The following RAB3C variants were observed in gnomAD, a reference collection of about 807,000 sequenced individuals.
RAB3C encodes the protein ras-related protein Rab-3C.
In RAB3C, 17 loss-of-function variants were observed where a neutral mutation model predicts 26.4. The observed-to-expected ratio is 0.64, with a 90% confidence interval of 0.44 to 0.97. RAB3C has a LOEUF of 0.97. Ranked by LOEUF, RAB3C falls within the 50% of genes least tolerant of loss-of-function variation. RAB3C has a pLI of 0.00. For synonymous variants in RAB3C, 91 were observed against 95.9 expected, an observed-to-expected ratio of 0.95 and a Z score of 0.30; for missense variants, 242 against 281.9, an observed-to-expected ratio of 0.86 and a Z score of 1.01.
intron 3 of RAB3C, among the ~76,000 whole-genome samples, chr5:58,739,875 C>A (rs10070606): frequency 0.12 from 18,773 of 152,192 alleles, 1,494 homozygotes; most frequent in Non-Finnish European, 0.17. Flanking sequence ...CCAAATGATT[C>A]TTTTTTGTAC....
chr5:58,833,309 A>T (rs962243818), intron 4 of RAB3C, among the ~76,000 whole-genome samples: 3 of 139,664 alleles, frequency 2.1e-5, no homozygotes, highest in Non-Finnish European at 4.7e-5. Flanking sequence ...TTTAAAAACC[A>T]TGGCACGGAC....
intron 2 of RAB3C, among the ~76,000 whole-genome samples, chr5:58,641,968 G>T (rs573884163): frequency 6.6e-6 from 1 of 152,230 alleles, no homozygotes; most frequent in African/African-American, 2.4e-5. Context: ...GGCTCCTTGG[G>T]CACATAACAT....
chr5:58,847,459 C>T (rs1173809727), intron 4 of RAB3C, among the ~76,000 whole-genome samples: 1 of 152,170 alleles, frequency 6.6e-6, no homozygotes. Flanking sequence ...TTAAAGATTT[C>T]TCAGAACAAG....
At chr5:58,692,049 G>A (rs1440891798) in intron 2 of RAB3C, among the ~76,000 whole-genome samples, 1 of 152,172 alleles carries the variant, frequency 6.6e-6, no homozygotes, top group East Asian at 1.9e-4. Context: ...GAGTAAGCCT[G>A]CTGTACAATG....
intron 3 of RAB3C, among the ~76,000 whole-genome samples, chr5:58,732,049 G>A (rs1741034133): frequency 6.6e-6 from 1 of 151,186 alleles, no homozygotes; most frequent in Non-Finnish European, 1.5e-5. Flanking sequence ...TGCATAAAAG[G>A]TGTCTTATAG....
chr5:58,754,397 T>C (rs1371949046), intron 3 of RAB3C, among the ~76,000 whole-genome samples: 1 of 152,202 alleles, frequency 6.6e-6, no homozygotes, highest in African/African-American at 2.4e-5. Flanking sequence ...CAGCCTTTCC[T>C]AACCCAGGTA....
At chr5:58,835,473 A>T (rs1356206323) in intron 4 of RAB3C, among the ~76,000 whole-genome samples, 1 of 152,180 alleles carries the variant, frequency 6.6e-6, no homozygotes, top group Non-Finnish European at 1.5e-5. Context: ...TTGTGGATCA[A>T]AGCTTATCCT....
chr5:58,798,672 T>C (rs570899494), intron 3 of RAB3C, among the ~76,000 whole-genome samples: 1 of 152,346 alleles, frequency 6.6e-6, no homozygotes, highest in East Asian at 1.9e-4. Flanking sequence ...GAAACGTAAA[T>C]GAATTTCATG....
At chr5:58,791,085 T>C (rs1320554769) in intron 3 of RAB3C, among the ~76,000 whole-genome samples, 2 of 151,722 alleles carry the variant, frequency 1.3e-5, no homozygotes, top group Non-Finnish European at 2.9e-5. Flanking sequence ...AAAACATATA[T>C]GAAGAAGAAG....
At chr5:58,835,338 C>G (rs147086843) in intron 4 of RAB3C, among the ~76,000 whole-genome samples, 587 of 152,270 alleles carry the variant, frequency 3.9e-3, no homozygotes, top group Non-Finnish European at 6.4e-3. Context: ...TAATCCAGAT[C>G]TTACCAACCT....
intron 3 of RAB3C, among the ~76,000 whole-genome samples, chr5:58,729,889 A>C (rs902779800): frequency 2.0e-5 from 3 of 146,960 alleles, no homozygotes; most frequent in African/African-American, 7.4e-5. Context: ...ATACACATAT[A>C]CATATACTAT....
intron 2 of RAB3C, among the ~76,000 whole-genome samples, chr5:58,723,783 G>A (rs1439276820): frequency 4.0e-5 from 6 of 151,812 alleles, no homozygotes; most frequent in African/African-American, 1.5e-4. Flanking sequence ...GATGCACTCT[G>A]CATCCAAAGG....
chr5:58,693,353 T>TATATATATATATATAC lies in RAB3C; in HGVS notation c.253-32640_253-32639insTATATACATATATATA, dbSNP rs911414778. The stretch of plus-strand genomic sequence containing the variant: ...ATATATGTGTATATATATATATATA[T>TATATATATATATATAC]ATATATATAAAATTTCTTAAAACCT... On this transcript the variant is annotated intron_variant, in intron 2 of 4. Transcript: ENST00000282878. Among the ~76,000 whole-genome samples, 13 of 142,264 alleles carry TATATATATATATATAC rather than the reference T, an allele frequency of 9.1e-5. 1 individual carries two copies. The highest frequency in any genetic ancestry group is 3.5e-4 in the African/African-American group (13 of 37,004). The allele number at this position is 142,264 out of a possible 152,430, so 93.3% of individuals were successfully genotyped here.
intron 2 of RAB3C, among the ~76,000 whole-genome samples, chr5:58,681,545 T>A (rs1748343903): frequency 6.6e-6 from 1 of 152,230 alleles, no homozygotes; most frequent in Non-Finnish European, 1.5e-5. Context: ...TGAATACTTT[T>A]TACTTTTGCT....
In RAB3C at chr5:58,725,651, C is replaced by T. The variant is rs1740873302; in HGVS notation, c.253-351C>T. 2.0e-5 allele frequency among the ~76,000 whole-genome samples: 3 copies of T among 151,758 alleles called. No homozygotes were observed. In the South Asian group the frequency reaches 6.2e-4, roughly 31 times the overall value. On this transcript the variant is annotated intron_variant, in intron 2 of 4. Transcript: ENST00000282878. ...AACTCAGTAGGGTGACTATAATTTA[C>T]AATAATCGATTGTATATTTTAAAGT...
At chr5:58,830,607 A>T (rs1743591574) in intron 4 of RAB3C, among the ~76,000 whole-genome samples, 1 of 152,282 alleles carries the variant, frequency 6.6e-6, no homozygotes, top group South Asian at 2.1e-4. Flanking sequence ...AGATTCTCTG[A>T]TTCACTCCTA....
chr5:58,623,394 C>G (rs984125438), intron 2 of RAB3C, among the ~76,000 whole-genome samples: 1 of 152,204 alleles, frequency 6.6e-6, no homozygotes, highest in African/African-American at 2.4e-5. Flanking sequence ...GGAAACAACA[C>G]TTTCTGCCCA....
intron 3 of RAB3C, among the ~76,000 whole-genome samples, chr5:58,774,187 A>T (rs1460144985): frequency 6.6e-6 from 1 of 152,130 alleles, no homozygotes; most frequent in African/African-American, 2.4e-5. Context: ...TTCACTCATG[A>T]ATGTAACTGG....
chr5:58,631,162 A>G (rs1747177977), intron 2 of RAB3C, among the ~76,000 whole-genome samples: 1 of 152,204 alleles, frequency 6.6e-6, no homozygotes, highest in East Asian at 1.9e-4. Context: ...GGACTGGAAA[A>G]TAGGTCCTGT....
Sources: gnomAD v4.1 joint callset for allele counts (sites outside exome capture counted in the v4.1 genomes callset) on GRCh38, gnomAD v4.1.1 for gene constraint, MANE v1.5 for transcripts, NCBI Gene and HGNC (gene_info 2026-07-23, HGNC 2026-07-21) for gene names.